Variants in SYNE1 observed in about 807,000 individuals in gnomAD.
The protein encoded by SYNE1 is nesprin-1.
Under a neutral mutation model 1,111.0 loss-of-function variants are expected in SYNE1, and 616 were observed. That is an observed-to-expected ratio of 0.55 (90% confidence interval 0.52 to 0.59). The LOEUF is 0.59. SYNE1 is among the 20% of genes least tolerant of loss of function. The pLI is 0.00. For synonymous variants in SYNE1, 3,855 were observed against 3,825.8 expected, an observed-to-expected ratio of 1.01 and a Z score of -0.28; for missense variants, 10,006 against 10,417.0, an observed-to-expected ratio of 0.96 and a Z score of 1.72.
chr6:152,441,054 AT>A, intron 32 of SYNE1, 75 bp downstream of exon 32: 6 of 1,545,870 alleles, frequency 3.9e-6, no homozygotes, highest in Middle Eastern at 2.3e-4. Flanking sequence ...ATTAATAGTA[AT>A]AATGGAGGAG....
chr6:152,365,643 T>C (rs939324246), intron 62 of SYNE1, among the ~76,000 whole-genome samples: 1 of 151,858 alleles, frequency 6.6e-6, no homozygotes, highest in Non-Finnish European at 1.5e-5. Flanking sequence ...TGTTTTTTTT[T>C]TTTTGTAAAG....
intron 50 of SYNE1, 151 bp from the exon 51 acceptor site, chr6:152,395,822 C>T (rs1019817489): frequency 1.4e-6 from 1 of 722,840 alleles, no homozygotes; most frequent in East Asian, 2.7e-5. Context: ...ACAACTAACC[C>T]ACCCAAATTA....
intron 128 of SYNE1, among the ~76,000 whole-genome samples, chr6:152,186,881 G>T (rs576431323): frequency 6.6e-6 from 1 of 152,282 alleles, no homozygotes; most frequent in South Asian, 2.1e-4. Flanking sequence ...ACTGAAGGTT[G>T]CTGTGATAAT....
intron 130 of SYNE1, among the ~76,000 whole-genome samples, chr6:152,171,510 G>A (rs1337012161): frequency 6.6e-6 from 1 of 152,162 alleles, no homozygotes; most frequent in African/African-American, 2.4e-5. Context: ...ATTTCACATA[G>A]TTCAGGGAAA....
At chr6:152,573,481 G>C (rs927374559) in intron 3 of SYNE1, among the ~76,000 whole-genome samples, 11 of 151,866 alleles carry the variant, frequency 7.2e-5, no homozygotes, top group African/African-American at 2.7e-4. Context: ...GGTTTCCAAG[G>C]CTGACATTTT....
intron 105 of SYNE1, among the ~76,000 whole-genome samples, chr6:152,248,001 T>A (rs996479093): frequency 1.3e-5 from 2 of 152,052 alleles, no homozygotes; most frequent in African/African-American, 4.8e-5. Context: ...TTACTTAGCT[T>A]ATGAAACAGG....
chr6:152,547,088 G>C (rs2099317443), intron 3 of SYNE1: 1 of 152,260 alleles, frequency 6.6e-6, no homozygotes, highest in Non-Finnish European at 1.5e-5. Flanking sequence ...TACCCCACCA[G>C]CATGTAGCCA....
Position 152,133,265 on chromosome 6 carries a change from T to G in SYNE1, c.26001+11A>C. 1 of 1,612,716 alleles carries G rather than the reference T, an allele frequency of 6.2e-7. No homozygotes were observed. The highest frequency in any genetic ancestry group is 8.5e-7 in the Non-Finnish European group (1 of 1,178,694). On this transcript the variant is annotated intron_variant, in intron 143 of 145. Transcript: ENST00000367255. ...AGAAATGCTACACGATGATGTCTGTTTATTGCTTACCTGCTGACTACTTGA... is the reference window on the plus strand; with the variant it reads ...AGAAATGCTACACGATGATGTCTGTGTATTGCTTACCTGCTGACTACTTGA...
At chr6:152,370,046 A>G (rs1409009887) in intron 59 of SYNE1, among the ~76,000 whole-genome samples, 1 of 151,508 alleles carries the variant, frequency 6.6e-6, no homozygotes, top group Non-Finnish European at 1.5e-5. Context: ...CCAAAGTCTG[A>G]AACACTCCAT....
chr6:152,334,253 C>T lies in SYNE1; in HGVS notation c.12549G>A (p.Gln4183=), dbSNP rs2096323864. 10 of 1,613,810 alleles carry T rather than the reference C, an allele frequency of 6.2e-6. No homozygotes were observed. Among genetic ancestry groups the T allele is most frequent in the Non-Finnish European group, 8.5e-6 (10 of 1,180,024 alleles). ...TGGTGTTCACGGATGCCTGTTTGCTCTGTAGTTTCTTAACAAAATCCTAAA... is the reference window on the plus strand; with the variant it reads ...TGGTGTTCACGGATGCCTGTTTGCTTTGTAGTTTCTTAACAAAATCCTAAA... ...SQVKDFVKKL[Q]SKQASVNTII... is the part of the protein sequence containing the mutation. Residue 4183 remains glutamine, a synonymous_variant, in exon 77 of 146, where the codon CAG becomes CAA. Transcript: ENST00000367255.
chr6:152,462,233 T>G (rs2098738317), intron 20 of SYNE1, among the ~76,000 whole-genome samples: 1 of 149,438 alleles, frequency 6.7e-6, no homozygotes, highest in Admixed American at 6.6e-5. Context: ...ATCATTAAGT[T>G]TTTTTTTCCT....
chr6:152,431,299 C>T (rs2098426059), intron 34 of SYNE1, among the ~76,000 whole-genome samples: 1 of 152,150 alleles, frequency 6.6e-6, no homozygotes, highest in Non-Finnish European at 1.5e-5. Flanking sequence ...CTTACTAAGT[C>T]TAAGGTGGGG....
Position 152,331,868 on chromosome 6 carries a change from C to A in SYNE1, c.12817G>T (p.Val4273Phe). The A allele has an allele frequency of 6.2e-7, 1 of 1,612,782 alleles. No homozygotes were observed. Reference protein sequence around the residue: ...LARSDAESTAVHLEALKKLAL... With the variant: ...LARSDAESTAFHLEALKKLAL... ...AACTTTTTCAAAGCTTCCAGGTGGA[C>A]AGCTGTACTCTCTGCATCAGATCTG... Residue 4273 changes from valine to phenylalanine, a missense_variant, in exon 78 of 146, where the codon GTC becomes TTC. Coordinates refer to ENST00000367255, the MANE Select transcript of SYNE1 (RefSeq NM_182961.4).
chr6:152,549,937 G>C (rs2099331381), intron 3 of SYNE1, among the ~76,000 whole-genome samples: 1 of 152,106 alleles, frequency 6.6e-6, no homozygotes, highest in African/African-American at 2.4e-5. Context: ...TAAGGCAGAT[G>C]GGATGAAAGG....
chr6:152,386,873 C>A (rs183591129), intron 54 of SYNE1, among the ~76,000 whole-genome samples, 199 bp downstream of exon 54: 6 of 152,162 alleles, frequency 3.9e-5, no homozygotes. Context: ...AATGAATAGG[C>A]ATTCATAGTA....
chr6:152,420,229 T>C (rs1023072277), intron 39 of SYNE1, among the ~76,000 whole-genome samples: 1 of 152,228 alleles, frequency 6.6e-6, no homozygotes, highest in African/African-American at 2.4e-5. Context: ...AATCCAAAAT[T>C]TGCTTTTTCT....
chr6:152,231,615 A>C, intron 113 of SYNE1, 48 bp from the exon 114 acceptor site: 1 of 1,588,032 alleles, frequency 6.3e-7, no homozygotes, highest in Non-Finnish European at 8.6e-7. Context: ...ATGTCTCATT[A>C]GTTTTCCAGG....
At chr6:152,341,680 A>T (rs1411402724) in intron 74 of SYNE1, among the ~76,000 whole-genome samples, 1 of 152,162 alleles carries the variant, frequency 6.6e-6, no homozygotes, top group Non-Finnish European at 1.5e-5. Context: ...TCACATATCC[A>T]AGCTCACCAG....
chr6:152,373,620 T>C (rs1344476395), intron 58 of SYNE1, among the ~76,000 whole-genome samples: 1 of 152,206 alleles, frequency 6.6e-6, no homozygotes, highest in Non-Finnish European at 1.5e-5. Context: ...GGAAGTAAGC[T>C]CTTTTTACTG....
Sources: gnomAD v4.1 joint callset for allele counts (sites outside exome capture counted in the v4.1 genomes callset) on GRCh38, gnomAD v4.1.1 for gene constraint, MANE v1.5 for transcripts, NCBI Gene and HGNC (gene_info 2026-07-23, HGNC 2026-07-21) for gene names.